The following RBPJ variants were observed in gnomAD, a reference collection of about 807,000 sequenced individuals.
RBPJ encodes the protein recombining binding protein suppressor of hairless.
Under a neutral mutation model 67.8 loss-of-function variants are expected in RBPJ, and 9 were observed. The ratio of observed to expected loss-of-function variants is 0.13; its 90% CI spans 0.08 to 0.23. RBPJ has a LOEUF of 0.23. Among genes scored for constraint, RBPJ ranks in the 10% least tolerant of loss-of-function variants. The probability of loss-of-function intolerance (pLI) is 1.00; values close to 1 mark genes in which losing one functional copy is unlikely to be tolerated. For missense variants in RBPJ, 305 were observed against 595.6 expected, an observed-to-expected ratio of 0.51 and a Z score of 5.08; for synonymous variants, 198 against 203.3, an observed-to-expected ratio of 0.97 and a Z score of 0.22.
chr4:26,401,887 C>CTTTTTTTTTTTTTTTTTTTTTTTTT (rs58935903), intron 2 of RBPJ, among the ~76,000 whole-genome samples: 2 of 129,722 alleles, frequency 1.5e-5, no homozygotes, highest in Non-Finnish European at 3.3e-5. Context: ...TTCTTTCTTT[C>CTTTTTTTTTTTTTTTTTTTTTTTTT]TTTTTTTTTT....
chr4:26,334,335 C>T (rs1724579376), intron 1 of RBPJ, among the ~76,000 whole-genome samples: 1 of 151,996 alleles, frequency 6.6e-6, no homozygotes, highest in Non-Finnish European at 1.5e-5. Flanking sequence ...AGTCACCATG[C>T]CTGGCCCAAC....
chr4:26,388,889 C>T (rs1245287275), intron 2 of RBPJ, among the ~76,000 whole-genome samples: 1 of 151,898 alleles, frequency 6.6e-6, no homozygotes, highest in Non-Finnish European at 1.5e-5. Flanking sequence ...GAAATAATGG[C>T]AAAAATGTTC....
chr4:26,229,945 T>C (rs182387055), intron 1 of RBPJ, among the ~76,000 whole-genome samples: 38 of 152,174 alleles, frequency 2.5e-4, no homozygotes, highest in Admixed American at 1.7e-3. Flanking sequence ...TCCTAGCACT[T>C]TGGGAGGCCA....
intron 1 of RBPJ, among the ~76,000 whole-genome samples, chr4:26,287,522 C>T (rs1228429174): frequency 7.0e-6 from 1 of 142,668 alleles, no homozygotes; most frequent in Non-Finnish European, 1.5e-5. Flanking sequence ...TGCTGCAGTC[C>T]AGCTTGGCTG....
At chr4:26,391,256 A>T (rs1188195873) in intron 2 of RBPJ, among the ~76,000 whole-genome samples, 4 of 152,254 alleles carry the variant, frequency 2.6e-5, no homozygotes, top group African/African-American at 9.6e-5. Flanking sequence ...CTATAAAGCT[A>T]TGGTAATTTA....
intron 1 of RBPJ, among the ~76,000 whole-genome samples, chr4:26,186,057 CAAAA>C (rs1319163802): frequency 6.6e-6 from 1 of 151,580 alleles, no homozygotes; most frequent in Admixed American, 6.6e-5. Context: ...AAGAAAAAAA[CAAAA>C]AGAAAAAGAA....
At chr4:26,421,853 T>C (rs1735170537) in intron 5 of RBPJ, among the ~76,000 whole-genome samples, 1 of 152,198 alleles carries the variant, frequency 6.6e-6, no homozygotes, top group South Asian at 2.1e-4. Context: ...TAATATCCTA[T>C]TTCATGTACA....
intron 1 of RBPJ, among the ~76,000 whole-genome samples, chr4:26,201,648 G>A (rs886134942): frequency 2.0e-5 from 3 of 152,202 alleles, no homozygotes; most frequent in African/African-American, 7.2e-5. Context: ...GTACACTGAT[G>A]TAAATCTCAA....
At chr4:26,412,372 C>G (rs1364631054) in intron 3 of RBPJ, among the ~76,000 whole-genome samples, 1 of 152,028 alleles carries the variant, frequency 6.6e-6, no homozygotes. Context: ...ACTGGGACTA[C>G]AGGCGTGCGC....
intron 1 of RBPJ, among the ~76,000 whole-genome samples, chr4:26,281,401 C>A (rs1414837254): frequency 6.6e-6 from 1 of 152,086 alleles, no homozygotes; most frequent in African/African-American, 2.4e-5. Flanking sequence ...GCCTCAGCCT[C>A]CCTAGTAGCT....
chr4:26,316,655 G>C (rs1044247644), upstream of RBPJ, among the ~76,000 whole-genome samples: 2 of 110,286 alleles, frequency 1.8e-5, no homozygotes, highest in Middle Eastern at 4.8e-3. Context: ...TACACATATT[G>C]ATATATATAT....
At position 26,406,279 on chromosome 4, in the gene RBPJ, A is replaced by AT. The variant is rs1733401846; in HGVS notation, c.155+14dup. The AT allele has an allele frequency of 3.2e-6, 5 of 1,547,998 alleles. No individual in the cohort carries two copies. Among genetic ancestry groups the AT allele is most frequent in the South Asian group, 1.1e-5 (1 of 89,628 alleles). On this transcript the variant is annotated intron_variant, in intron 3 of 10. Transcript: ENST00000355476. ...TATGGAAATGAAAAAAGGTAAGATT[A>AT]TTTTTCTGGTGGATAGTTAATTGTA...
chr4:26,135,153 C>T, the RBPJ span, among the ~76,000 whole-genome samples: 1 of 152,158 alleles, frequency 6.6e-6, no homozygotes, highest in African/African-American at 2.4e-5. Context: ...CCTCAACATC[C>T]TCAATGTGCC....
At chr4:26,185,712 G>A (rs561803013) in intron 1 of RBPJ, among the ~76,000 whole-genome samples, 1 of 152,274 alleles carries the variant, frequency 6.6e-6, no homozygotes, top group South Asian at 2.1e-4. Context: ...AGATTCCTAG[G>A]ATCCCCACAG....
At chr4:26,170,554 A>AG (rs1366500451) in intron 1 of RBPJ, among the ~76,000 whole-genome samples, 1 of 146,934 alleles carries the variant, frequency 6.8e-6, no homozygotes, top group East Asian at 2.0e-4. Context: ...AAAAAAAAAA[A>AG]AAGGAATGGA....
intron 1 of RBPJ, among the ~76,000 whole-genome samples, chr4:26,333,588 C>A: frequency 6.6e-6 from 1 of 151,930 alleles, no homozygotes; most frequent in Non-Finnish European, 1.5e-5. Flanking sequence ...GGACGTCTCA[C>A]TCTGTTACCC....
Position 26,182,323 on chromosome 4 carries a change from A to C in RBPJ, c.-167+18709A>C, listed in dbSNP as rs561383023. On this transcript the variant is annotated intron_variant, in intron 1 of 4. Transcript: ENST00000512351. ...CGCCACTGCACTCCAGCCTGGGCAA[A>C]AGAGCAAGACTCCGTCTCAAAAAAA... Among the ~76,000 whole-genome samples the C allele has an allele frequency of 2.1e-3, 322 of 151,928 alleles. 2 individuals are homozygous for C. Among genetic ancestry groups the C allele is most frequent in the African/African-American group, 6.7e-3 (277 of 41,382 alleles).
chr4:26,284,807 C>A (rs1245841757), intron 1 of RBPJ, among the ~76,000 whole-genome samples: 2 of 152,038 alleles, frequency 1.3e-5, no homozygotes, highest in East Asian at 3.9e-4. Context: ...TTAAAAACAA[C>A]AACAACCAGT....
At chr4:26,244,835 T>C (rs1240136278) in intron 1 of RBPJ, among the ~76,000 whole-genome samples, 2 of 152,092 alleles carry the variant, frequency 1.3e-5, no homozygotes, top group Non-Finnish European at 2.9e-5. Context: ...GGTTTTGACA[T>C]GTTGGCCAGG....
Sources: allele counts gnomAD v4.1 joint callset (sites outside exome capture counted in the v4.1 genomes callset), GRCh38; gene constraint gnomAD v4.1.1; transcripts MANE v1.5; gene names NCBI Gene and HGNC (gene_info 2026-07-23, HGNC 2026-07-21).